The following HSPG2 variants were observed in gnomAD, a reference collection of about 807,000 sequenced individuals.
The protein encoded by HSPG2 is heparan sulfate proteoglycan 2, also known as basement membrane-specific heparan sulfate proteoglycan core protein.
HSPG2 carries 278 observed loss-of-function variants against 526.6 expected under a neutral mutation model. The observed-to-expected ratio is 0.53, with a 90% CI of 0.48 to 0.58. The LOEUF (loss-of-function observed/expected upper bound fraction) is 0.58. Ranked by LOEUF, HSPG2 falls within the 20% of genes least tolerant of loss-of-function variation. The pLI, the probability that HSPG2 is intolerant of heterozygous loss-of-function variation, is 0.00. For synonymous variants in HSPG2, 2,465 were observed against 2,555.4 expected, an observed-to-expected ratio of 0.96 and a Z score of 1.07; for missense variants, 5,354 against 6,099.5, an observed-to-expected ratio of 0.88 and a Z score of 4.07.
intron 1 of HSPG2, among the ~76,000 whole-genome samples, chr1:21,926,379 C>T (rs1485925308): frequency 6.6e-6 from 1 of 151,976 alleles, no homozygotes; most frequent in Non-Finnish European, 1.5e-5. Flanking sequence ...GGTCTGTCCC[C>T]AGGAAACTCC....
At chr1:21,889,668 G>A (rs1269756978) in intron 6 of HSPG2, 4 of 346,446 alleles carry the variant, frequency 1.2e-5, no homozygotes, top group African/African-American at 2.1e-5. Flanking sequence ...GTAAACAGTT[G>A]CTCATTATTA....
chr1:21,850,074 G>C lies in HSPG2; in HGVS notation c.7413C>G (p.His2471Gln), dbSNP rs1638767414. The C allele has an allele frequency of 1.2e-6, 2 of 1,613,504 alleles. No homozygotes were observed. Among genetic ancestry groups the C allele is most frequent in the East Asian group, 4.5e-5 (2 of 44,886 alleles). Residue 2471 changes from histidine to glutamine, a missense_variant, in exon 57 of 97, where the codon CAC (histidine) becomes CAG (glutamine). His to Gln is a conservative substitution (Grantham distance 24). Transcript: ENST00000374695. ...GGGCCGGGAGGCTGCCCCCGCGCTT[G>C]TGCCACGTGACCTGGGCATGGGCCT... ...AGQAHAQVTW[H>Q]KRGGSLPARH... is the part of the protein sequence containing the mutation.
At position 21,874,606 on chromosome 1, in the gene HSPG2, C is replaced by A. The variant is rs367678569; in HGVS notation, c.3528+10G>T. On this transcript the variant is annotated intron_variant, in intron 27 of 96. Transcript: ENST00000374695. ...ATTGCTGGGGTGGGCGGAAGGAGGG[C>A]GGGACTTACCTGGCAGGCACCTGTT... 4.4e-4 allele frequency: 702 copies of A among 1,613,606 alleles called. No homozygotes were observed. In the African/African-American group the frequency reaches 8.3e-3, roughly 19 times the overall value.
Position 21,828,310 on chromosome 1 carries a change from C to T in HSPG2, c.12354G>A (p.Thr4118=), listed in dbSNP as rs371885206. Residue 4118 remains threonine (T), a synonymous_variant, in exon 89 of 97, where the codon ACG becomes ACA. Transcript: ENST00000374695. This position sits in a 1 kb window ranked among gnomAD's most constrained non-coding sequence, Gnocchi z 6.0. ...ACTCATACTCGCCAGCGGGCATGCA[C>T]GTGGCACCATGTTGGCAAGGCTGGC... The part of the protein sequence containing the change: ...CERQPCQHGA[T]CMPAGEYEFQ... The T allele has an allele frequency of 1.7e-4, 274 of 1,613,842 alleles. No homozygotes were observed. In the East Asian group the frequency reaches 3.7e-3, roughly 22 times the overall value.
At chr1:21,823,959 C>T (rs1001099274) in intron 95 of HSPG2, 162 bp downstream of exon 95, 35 of 819,414 alleles carry the variant, frequency 4.3e-5, no homozygotes, top group African/African-American at 6.8e-5. Context: ...GAGTTCAGTC[C>T]GAGATGGAAG....
At chr1:21,889,807 A>ACATACCTCTAT in intron 6 of HSPG2, 174 bp downstream of exon 6, 1 of 694,358 alleles carries the variant, frequency 1.4e-6, no homozygotes. Flanking sequence ...TAGAGGAAAC[A>ACATACCTCTAT]GTCTGTGCTC....
At chr1:21,907,276 G>C (rs1404342043) in intron 1 of HSPG2, among the ~76,000 whole-genome samples, 4 of 152,166 alleles carry the variant, frequency 2.6e-5, no homozygotes. Flanking sequence ...TCACTCCCAG[G>C]GCCGGCGACC....
chr1:21,857,277 C>T lies in HSPG2; in HGVS notation c.5394+8G>A. On this transcript the variant is annotated splice_region_variant and intron_variant, in intron 43 of 96. Transcript: ENST00000374695. ...ACTTCCTCCATCCCCACTCCCTGAC[C>T]TGCACACCTTGCTTTTGGCTGTGCA... is the stretch of plus-strand genomic sequence containing the variant. The T allele has an allele frequency of 6.2e-7, 1 of 1,614,124 alleles. No individual in the cohort carries two copies.
chr1:21,873,546 T>A, intron 29 of HSPG2, 122 bp from the exon 30 acceptor site: 1 of 1,010,240 alleles, frequency 9.9e-7, no homozygotes, highest in Non-Finnish European at 1.6e-6. Flanking sequence ...AGAGCCTGAC[T>A]CGCCCATGTT....
chr1:21,901,344 A>G (rs60288174), intron 1 of HSPG2, among the ~76,000 whole-genome samples: 1,988 of 152,142 alleles, frequency 0.013, 42 homozygotes, highest in African/African-American at 0.045. Flanking sequence ...TATCATGCAG[A>G]GGGTGCATGG....
In HSPG2 at chr1:21,853,174, G is replaced by A. The variant is rs886828823; in HGVS notation, c.6440-104C>T. 8.0e-6 allele frequency: 12 copies of A among 1,509,232 alleles called. No individual in the cohort carries two copies. In the East Asian group the frequency reaches 9.1e-5, roughly 12 times the overall value. The allele number at this position is 1,509,232 out of a possible 1,614,324, so 93.5% of individuals were successfully genotyped here. On this transcript the variant is annotated intron_variant, in intron 50 of 96. Coordinates refer to ENST00000374695, the MANE Select transcript of HSPG2 (RefSeq NM_005529.7). ...TGACCAGGCCCTAGTGGGGACGGCC[G>A]ACAGGTGGCCTTTCTGGGACTAGGG...
intron 1 of HSPG2, among the ~76,000 whole-genome samples, chr1:21,932,555 G>A (rs1459940920): frequency 6.6e-6 from 1 of 152,208 alleles, no homozygotes; most frequent in African/African-American, 2.4e-5. Context: ...TGAGCAGGAG[G>A]AAGCAGATAA....
In HSPG2 at chr1:21,877,059, C is replaced by CA. The variant is rs3077630; in HGVS notation, c.2686-408dup. ...ACGCGATGGGAGCGAGACTCCATCT[C>CA]AAAAAAAAAAAAAAAAAGAAAAGAA... On this transcript the variant is annotated intron_variant, in intron 21 of 96. Transcript: ENST00000374695. Among the ~76,000 whole-genome samples, 906 of 103,118 alleles carry CA rather than the reference C, an allele frequency of 8.8e-3. 31 individuals carry two copies. The highest frequency in any genetic ancestry group is 0.029 in the African/African-American group (759 of 25,764). The allele number at this position is 103,118 out of a possible 152,430, so 67.6% of individuals were successfully genotyped here.
At chr1:21,920,322 AC>A (rs1202076269) in intron 1 of HSPG2, among the ~76,000 whole-genome samples, 2 of 151,986 alleles carry the variant, frequency 1.3e-5, no homozygotes, top group Non-Finnish European at 2.9e-5. Context: ...CTGCCAAGTC[AC>A]CCTTCTCATG....
At chr1:21,860,578 G>A (rs896119066) in intron 39 of HSPG2, among the ~76,000 whole-genome samples, 6 of 151,970 alleles carry the variant, frequency 3.9e-5, no homozygotes, top group East Asian at 1.9e-4. Flanking sequence ...TGCAAACTCC[G>A]TCTCCGGGGT....
At chr1:21,835,927 T>G (rs1169325145) in intron 75 of HSPG2, among the ~76,000 whole-genome samples, 1 of 131,484 alleles carries the variant, frequency 7.6e-6, no homozygotes, top group East Asian at 2.2e-4. Context: ...GAGGTTGCAG[T>G]AAGCCGAGAT....
Position 21,850,309 on chromosome 1 carries a change from TG to T in HSPG2, c.7294+53del, listed in dbSNP as rs1638789004. 9.3e-6 allele frequency: 15 copies of T among 1,604,310 alleles called. No homozygotes were observed. In the Admixed American group the frequency reaches 2.6e-4, roughly 28 times the overall value. ...CCTCCTGATCCTGCCGTTGCAAGAG[TG>T]GGGGGCCTCCCACCCTGGGTCCCCA... is the stretch of plus-strand genomic sequence containing the variant. On this transcript the variant is annotated intron_variant, in intron 56 of 96. Transcript: ENST00000374695.
Position 21,829,975 on chromosome 1 carries a change from A to C in HSPG2, c.11770+18T>G. On this transcript the variant is annotated intron_variant, in intron 86 of 96. Transcript: ENST00000374695. ...CTGACACTAGGACCCTGGGGGTCTC[A>C]GGCCTGGCTCCCCTCACCTTCCTCA... 1 of 1,591,324 alleles carries C rather than the reference A, an allele frequency of 6.3e-7. No individual in the cohort carries two copies. The highest frequency in any genetic ancestry group is 8.6e-7 in the Non-Finnish European group (1 of 1,167,892).
At position 21,878,557 on chromosome 1, in the gene HSPG2, C is replaced by T. The variant is rs367806517; in HGVS notation, c.2558+20G>A. Reference sequence around the variant, plus strand: ...CCACCCAGGAGCCCCCTTCCTGCAGCCCCCAAGGCTCTCCCTCACCTCTCA... The same window carrying T: ...CCACCCAGGAGCCCCCTTCCTGCAGTCCCCAAGGCTCTCCCTCACCTCTCA... On this transcript the variant is annotated intron_variant, in intron 19 of 96. Transcript: ENST00000374695. The T allele has an allele frequency of 1.5e-5, 25 of 1,613,918 alleles. No individual in the cohort carries two copies. The African/African-American group carries it at 2.5e-4, about 16-fold the overall frequency.
Sources: allele counts gnomAD v4.1 joint callset (sites outside exome capture counted in the v4.1 genomes callset), GRCh38; gene constraint gnomAD v4.1.1; non-coding constraint Gnocchi (gnomAD v3.1); transcripts MANE v1.5; gene names NCBI Gene and HGNC (gene_info 2026-07-23, HGNC 2026-07-21).